The following PTPRK variants were observed in gnomAD, a reference collection of about 807,000 sequenced individuals.
PTPRK encodes the protein receptor-type tyrosine-protein phosphatase kappa.
In PTPRK, 75 loss-of-function variants were observed where a neutral mutation model predicts 178.0. The ratio of observed to expected loss-of-function variants is 0.42; its 90% CI spans 0.35 to 0.51. The LOEUF (loss-of-function observed/expected upper bound fraction) is 0.51. Ranked by LOEUF, PTPRK falls within the 20% of genes least tolerant of loss-of-function variation. PTPRK has a pLI of 0.02. For missense variants in PTPRK, 1,441 were observed against 1,797.8 expected, an observed-to-expected ratio of 0.80 and a Z score of 3.59; for synonymous variants, 637 against 620.6, an observed-to-expected ratio of 1.03 and a Z score of -0.39.
At chr6:127,994,721 T>C (rs1776952176) in intron 18 of PTPRK, among the ~76,000 whole-genome samples, 1 of 151,902 alleles carries the variant, frequency 6.6e-6, no homozygotes, top group Non-Finnish European at 1.5e-5. Flanking sequence ...AAATATATGA[T>C]CAAAGCAACC....
At chr6:128,153,391 A>C (rs1797547488) in intron 7 of PTPRK, among the ~76,000 whole-genome samples, 1 of 151,970 alleles carries the variant, frequency 6.6e-6, no homozygotes, top group Non-Finnish European at 1.5e-5. Flanking sequence ...GTATAAGAAA[A>C]GTAATTTAAT....
intron 1 of PTPRK, among the ~76,000 whole-genome samples, chr6:128,505,272 T>C (rs1469402258): frequency 2.7e-5 from 4 of 149,064 alleles, no homozygotes. Context: ...AGAAACCCCA[T>C]CTCTACTAAA....
chr6:127,994,360 A>G (rs1776914594), intron 18 of PTPRK, among the ~76,000 whole-genome samples: 1 of 151,830 alleles, frequency 6.6e-6, no homozygotes, highest in Admixed American at 6.6e-5. Flanking sequence ...AATCAATTTA[A>G]TTATAGCACA....
intron 13 of PTPRK, among the ~76,000 whole-genome samples, chr6:128,045,948 A>G (rs1241956707): frequency 6.6e-6 from 1 of 152,150 alleles, no homozygotes; most frequent in Non-Finnish European, 1.5e-5. Context: ...GCAAAGAGAG[A>G]CTTTAGCCTT....
At position 128,470,404 on chromosome 6, in the gene PTPRK, T is replaced by C. The variant is rs558691715; in HGVS notation, c.100+49855A>G. ...AATCGTTTTCTTAACCTCTAATGCG[T>C]TTTTTTTTAAACAAAAGTAGTCATG... On this transcript the variant is annotated intron_variant, in intron 1 of 29. Coordinates refer to ENST00000368226, the MANE Select transcript of PTPRK (RefSeq NM_002844.4). 3.6e-5 allele frequency among the ~76,000 whole-genome samples: 5 copies of C among 137,242 alleles called. No individual in the cohort carries two copies. In the South Asian group the frequency reaches 1.1e-3, roughly 30 times the overall value. 90.0% of individuals were successfully genotyped at this position (137,242 alleles called of 152,430 possible).
chr6:128,305,317 T>C (rs1260902227), intron 3 of PTPRK, among the ~76,000 whole-genome samples: 1 of 152,206 alleles, frequency 6.6e-6, no homozygotes, highest in Non-Finnish European at 1.5e-5. Context: ...GGATTATCCT[T>C]CTACATCTTT....
intron 13 of PTPRK, among the ~76,000 whole-genome samples, chr6:128,016,711 G>C (rs930331058): frequency 2.6e-5 from 4 of 151,772 alleles, no homozygotes; most frequent in Non-Finnish European, 5.9e-5. Context: ...CTCCTTCAAA[G>C]CTGAGTTTTT....
intron 13 of PTPRK, among the ~76,000 whole-genome samples, chr6:128,060,562 C>G (rs76895618): frequency 2.6e-3 from 393 of 152,058 alleles, no homozygotes; most frequent in African/African-American, 9.3e-3. Flanking sequence ...AATGTGAGTA[C>G]CAGGAAAGCA....
chr6:128,099,795 C>T (rs997934584), intron 7 of PTPRK, among the ~76,000 whole-genome samples: 3 of 151,952 alleles, frequency 2.0e-5, no homozygotes, highest in African/African-American at 2.4e-5. Flanking sequence ...TATTTTATGC[C>T]TTCATGCATG....
chr6:128,226,993 T>C (rs1055042697), intron 5 of PTPRK, among the ~76,000 whole-genome samples: 2 of 151,838 alleles, frequency 1.3e-5, no homozygotes, highest in Middle Eastern at 3.2e-3. Context: ...ACTTATAACC[T>C]CTCTTGCCAG....
chr6:128,103,568 T>A (rs1789154825), intron 7 of PTPRK, among the ~76,000 whole-genome samples: 1 of 152,124 alleles, frequency 6.6e-6, no homozygotes, highest in Non-Finnish European at 1.5e-5. Context: ...GGGTTTCAGC[T>A]GAACAGGTGA....
chr6:128,259,271 G>C (rs1263713989), intron 3 of PTPRK, among the ~76,000 whole-genome samples: 1 of 152,080 alleles, frequency 6.6e-6, no homozygotes. Context: ...TTCAACACCT[G>C]CAATACCACT....
rs1409933983 is a variant in PTPRK, at chr6:127,981,237, C to T, written c.3590G>A (p.Cys1197Tyr). 5.6e-6 allele frequency: 9 copies of T among 1,613,876 alleles called. No homozygotes were observed. Among genetic ancestry groups the T allele is most frequent in the Non-Finnish European group, 7.6e-6 (9 of 1,179,906 alleles). Residue 1197 changes from cysteine to tyrosine, a missense_variant, in exon 25 of 30, where the codon TGC becomes TAC. By Grantham distance (194) the Cys-to-Tyr change is radical. Transcript: ENST00000368226. ...GTTCTTGTCATGGTTCCTTGGCAGGCACGCTATACTGCAGTCTTCAGCTTG... is the reference window on the plus strand; with the variant it reads ...GTTCTTGTCATGGTTCCTTGGCAGGTACGCTATACTGCAGTCTTCAGCTTG... ...RLQAEDCSIA[C>Y]LPRNHDKNRF...
At chr6:128,094,185 T>G (rs541779059) in intron 7 of PTPRK, among the ~76,000 whole-genome samples, 2 of 152,274 alleles carry the variant, frequency 1.3e-5, no homozygotes, top group South Asian at 4.1e-4. Context: ...ACTTTAGATG[T>G]CATGGTAAGA....
intron 9 of PTPRK, among the ~76,000 whole-genome samples, chr6:128,083,054 T>C (rs1284039790): frequency 2.6e-5 from 4 of 152,164 alleles, no homozygotes; most frequent in Admixed American, 2.0e-4. Context: ...TATTCAAATA[T>C]GTGAACACAG....
chr6:128,238,809 C>A (rs1468715815), intron 5 of PTPRK, among the ~76,000 whole-genome samples: 1 of 152,044 alleles, frequency 6.6e-6, no homozygotes. Context: ...ATCTCCTTTT[C>A]ATATTTGGAC....
At chr6:128,289,461 T>A (rs1272377750) in intron 3 of PTPRK, among the ~76,000 whole-genome samples, 4 of 152,178 alleles carry the variant, frequency 2.6e-5, no homozygotes, top group African/African-American at 9.6e-5. Flanking sequence ...GACTTACAGT[T>A]TAAATGACCT....
At chr6:127,983,511 G>T in intron 22 of PTPRK, 134 bp from the exon 23 acceptor site, 1 of 882,824 alleles carries the variant, frequency 1.1e-6, no homozygotes, top group Non-Finnish European at 1.7e-6. Flanking sequence ...ACTTGTCCCT[G>T]CTGTGTAAAA....
intron 3 of PTPRK, among the ~76,000 whole-genome samples, chr6:128,296,911 T>G (rs532521292): frequency 6.6e-6 from 1 of 152,080 alleles, no homozygotes; most frequent in Non-Finnish European, 1.5e-5. Context: ...AATGCTCCAA[T>G]TAAAAGACAC....
Sources: gnomAD v4.1 joint callset for allele counts (sites outside exome capture counted in the v4.1 genomes callset) on GRCh38, gnomAD v4.1.1 for gene constraint, MANE v1.5 for transcripts, NCBI Gene and HGNC (gene_info 2026-07-23, HGNC 2026-07-21) for gene names.